Variants in HNF4G observed in about 807,000 individuals in gnomAD.
HNF4G encodes the protein hepatocyte nuclear factor 4-gamma.
Under a neutral mutation model 50.9 loss-of-function variants are expected in HNF4G, and 21 were observed. The observed-to-expected ratio is 0.41, with a 90% CI of 0.29 to 0.59. The LOEUF is 0.59. Among genes scored for constraint, HNF4G ranks in the 20% least tolerant of loss-of-function variants. HNF4G has a pLI of 0.26. For synonymous variants in HNF4G, 198 were observed against 185.6 expected (o/e 1.07, Z -0.54); for missense variants, 527 against 559.4 (o/e 0.94, Z 0.58).
chr8:75,516,829 T>A (rs968169522), intron 2 of HNF4G, among the ~76,000 whole-genome samples: 3 of 152,212 alleles, frequency 2.0e-5, no homozygotes, highest in African/African-American at 7.2e-5. Context: ...CTCCTGACAA[T>A]ATTCCTTTTT....
At chr8:75,473,928 G>A (rs1385713876) in intron 1 of HNF4G, among the ~76,000 whole-genome samples, 2 of 152,034 alleles carry the variant, frequency 1.3e-5, no homozygotes, top group Non-Finnish European at 2.9e-5. Context: ...CAGAAGGGCT[G>A]TCTGAGAAAA....
At chr8:75,449,573 C>G (rs1006690795) in intron 1 of HNF4G, among the ~76,000 whole-genome samples, 1 of 143,218 alleles carries the variant, frequency 7.0e-6, no homozygotes, top group Non-Finnish European at 1.5e-5. Context: ...GTGGGGCGAT[C>G]TCGGCTCACT....
At chr8:75,510,114 C>A (rs1429439162) in intron 2 of HNF4G, among the ~76,000 whole-genome samples, 1 of 151,856 alleles carries the variant, frequency 6.6e-6, no homozygotes, top group Non-Finnish European at 1.5e-5. Flanking sequence ...TATTGATTAT[C>A]CTAACCCTGT....
At chr8:75,497,692 CA>C (rs61425612) in intron 2 of HNF4G, among the ~76,000 whole-genome samples, 42,014 of 140,228 alleles carry the variant, frequency 0.3, 7,261 homozygotes, top group African/African-American at 0.52. Context: ...TCCACCCCCT[CA>C]AAAAAAAAAA....
At chr8:75,489,505 G>C (rs780896578) in intron 1 of HNF4G, among the ~76,000 whole-genome samples, 4 of 152,144 alleles carry the variant, frequency 2.6e-5, no homozygotes, top group Non-Finnish European at 4.4e-5. Context: ...TGGCTCAGAT[G>C]GAGTGTTTTC....
At chr8:75,529,710 A>G (rs1806278908) in intron 2 of HNF4G, among the ~76,000 whole-genome samples, 1 of 152,136 alleles carries the variant, frequency 6.6e-6, no homozygotes, top group South Asian at 2.1e-4. Flanking sequence ...TATGGGGAAG[A>G]TTCACCTTAA....
chr8:75,528,238 A>G (rs1806233357), intron 2 of HNF4G, among the ~76,000 whole-genome samples: 1 of 152,198 alleles, frequency 6.6e-6, no homozygotes, highest in African/African-American at 2.4e-5. Flanking sequence ...TGGGCCTACC[A>G]AGGCTCCTAG....
chr8:75,448,352 C>T (rs912609745), intron 1 of HNF4G, among the ~76,000 whole-genome samples: 28 of 146,112 alleles, frequency 1.9e-4, no homozygotes, highest in East Asian at 4.1e-4. Flanking sequence ...GTTGGTGCAG[C>T]GCACCAGCAT....
intron 2 of HNF4G, among the ~76,000 whole-genome samples, chr8:75,510,134 G>C (rs1366876404): frequency 6.6e-6 from 1 of 151,920 alleles, no homozygotes; most frequent in Admixed American, 6.6e-5. Flanking sequence ...TGTAGGCCTA[G>C]ACTAAGGTGT....
chr8:75,512,755 C>T (rs561229076), intron 2 of HNF4G, among the ~76,000 whole-genome samples: 57 of 152,178 alleles, frequency 3.7e-4, no homozygotes, highest in Non-Finnish European at 6.2e-4. Context: ...TGAGCCACCG[C>T]GCCCGGTCAA....
chr8:75,505,026 G>A (rs1450283278), intron 2 of HNF4G, among the ~76,000 whole-genome samples: 1 of 152,104 alleles, frequency 6.6e-6, no homozygotes, highest in African/African-American at 2.4e-5. Flanking sequence ...TCTGGGATAT[G>A]CTCAATTTTT....
At chr8:75,412,543 T>C (rs1810524882) in intron 1 of HNF4G, among the ~76,000 whole-genome samples, 1 of 152,198 alleles carries the variant, frequency 6.6e-6, no homozygotes, top group Non-Finnish European at 1.5e-5. Context: ...TTTTCCCCCA[T>C]CTCATTTAAA....
chr8:75,449,509 C>CT (rs71271864), intron 1 of HNF4G, among the ~76,000 whole-genome samples: 14,706 of 129,008 alleles, frequency 0.11, 1,247 homozygotes, highest in African/African-American at 0.16. Context: ...ATATTTTTTT[C>CT]TTTTTTTTTT....
chr8:75,501,399 C>T (rs1812922209), intron 2 of HNF4G, among the ~76,000 whole-genome samples: 1 of 152,158 alleles, frequency 6.6e-6, no homozygotes, highest in Non-Finnish European at 1.5e-5. Flanking sequence ...TATGATTATG[C>T]CACTGCACTC....
chr8:75,446,732 A>C (rs994258636), intron 1 of HNF4G, among the ~76,000 whole-genome samples: 4 of 107,830 alleles, frequency 3.7e-5, no homozygotes, highest in African/African-American at 1.8e-4. Context: ...AAGGGATCTG[A>C]AGGACCTCTT....
chr8:75,496,181 C>A (rs1490743083), intron 2 of HNF4G, among the ~76,000 whole-genome samples: 1 of 151,876 alleles, frequency 6.6e-6, no homozygotes, highest in South Asian at 2.1e-4. Flanking sequence ...CCAGGAGATC[C>A]AGAAAATTAT....
chr8:75,564,751 A>G lies in HNF4G; in HGVS notation c.*655A>G, dbSNP rs1343154211. The G allele has an allele frequency of 6.6e-6, 1 of 152,232 alleles. No individual in the cohort carries two copies. Among genetic ancestry groups the G allele is most frequent in the Admixed American group, 6.5e-5 (1 of 15,274 alleles). 9.4% of individuals were successfully genotyped at this position (152,232 alleles called of 1,614,324 possible). On this transcript the variant is annotated 3_prime_UTR_variant, in exon 10 of 10. Coordinates refer to ENST00000396423, the MANE Select transcript of HNF4G (RefSeq NM_004133.5). The stretch of plus-strand genomic sequence containing the variant: ...TTGAAGATGTATGTTAAGCAAAAAC[A>G]TGTTGCTTTTATCAGTTAGGATACA...
intron 2 of HNF4G, among the ~76,000 whole-genome samples, chr8:75,512,550 C>T (rs945470066): frequency 4.0e-5 from 6 of 151,654 alleles, no homozygotes; most frequent in Admixed American, 2.0e-4. Context: ...CTGCAAGCTC[C>T]GCCTCCCGGG....
intron 7 of HNF4G, 38 bp from the exon 8 acceptor site, chr8:75,558,763 G>T (rs1563555158): frequency 1.4e-5 from 23 of 1,589,896 alleles, no homozygotes; most frequent in Non-Finnish European, 2.0e-5. Flanking sequence ...CTGTAATTAG[G>T]TTAAATCTGT....
Sources: allele counts gnomAD v4.1 joint callset (sites outside exome capture counted in the v4.1 genomes callset), GRCh38; gene constraint gnomAD v4.1.1; transcripts MANE v1.5; gene names NCBI Gene and HGNC (gene_info 2026-07-23, HGNC 2026-07-21).